Variants in DMD observed in about 807,000 individuals in gnomAD.
The protein encoded by DMD is mutant dystrophin.
A neutral mutation model predicts 330.1 loss-of-function variants in DMD; 63 were observed. The observed-to-expected ratio is 0.19, with a 90% CI of 0.16 to 0.24. The LOEUF (loss-of-function observed/expected upper bound fraction) is 0.24. Among genes scored for constraint, DMD ranks in the 10% least tolerant of loss-of-function variants. The pLI is 1.00. For missense variants in DMD, 3,344 were observed against 2,684.1 expected (o/e 1.25, Z -5.43); for synonymous variants, 1,223 against 959.8 (o/e 1.27, Z -5.07).
chrX:32,117,746 A>G (rs2096617157), intron 44 of DMD, among the ~76,000 whole-genome samples: 1 of 112,160 alleles, frequency 8.9e-6, no homozygotes, highest in South Asian at 3.8e-4. Context: ...CAGGGCACTT[A>G]GAATCTAAGA....
At chrX:32,913,409 T>G (rs747350248) in intron 2 of DMD, among the ~76,000 whole-genome samples, 3 of 112,143 alleles carry the variant, frequency 2.7e-5, no homozygotes, top group African/African-American at 9.7e-5. Context: ...TAATCAAAAT[T>G]TATACTAAGG....
intron 1 of DMD, among the ~76,000 whole-genome samples, chrX:33,058,742 A>G (rs1440818436): frequency 9.0e-6 from 1 of 111,408 alleles, no homozygotes; most frequent in Non-Finnish European, 1.9e-5. Flanking sequence ...TGAGGCACCA[A>G]TTCTCCCCAA....
At chrX:32,714,634 T>A (rs2065507264) in intron 7 of DMD, among the ~76,000 whole-genome samples, 3 of 111,751 alleles carry the variant, frequency 2.7e-5, no homozygotes. Flanking sequence ...GTGACTGAAG[T>A]TACTTTCAAT....
At chrX:31,270,498 T>TAA in intron 62 of DMD, among the ~76,000 whole-genome samples, 1 of 112,226 alleles carries the variant, frequency 8.9e-6, no homozygotes, top group South Asian at 3.7e-4. Context: ...GGTAAAGGCA[T>TAA]ATCAACAATT....
intron 74 of DMD, among the ~76,000 whole-genome samples, chrX:31,159,800 A>T (rs145655735): frequency 0.016 from 1,744 of 112,327 alleles, 48 homozygotes; most frequent in African/African-American, 0.053. Context: ...CACGAGGTTG[A>T]TATACTGATT....
chrX:32,158,605 G>C (rs1037480570), intron 44 of DMD, among the ~76,000 whole-genome samples: 3 of 110,850 alleles, frequency 2.7e-5, no homozygotes, highest in African/African-American at 9.9e-5. Context: ...GTGTCCTATT[G>C]CCATTTTTAT....
chrX:32,284,588 T>C (rs1200108975), intron 43 of DMD, among the ~76,000 whole-genome samples: 1 of 111,784 alleles, frequency 8.9e-6, no homozygotes, highest in South Asian at 3.8e-4. Context: ...CCCACATATA[T>C]TGTGTCAGAT....
chrX:32,924,898 G>A (rs923163067), intron 2 of DMD, among the ~76,000 whole-genome samples: 2 of 110,494 alleles, frequency 1.8e-5, no homozygotes, highest in African/African-American at 6.6e-5. Context: ...CCCAAAGAAA[G>A]AACATTATAA....
chrX:32,607,984 T>C (rs1270449658), intron 12 of DMD, among the ~76,000 whole-genome samples: 3 of 109,104 alleles, frequency 2.7e-5, no homozygotes, highest in African/African-American at 9.9e-5. Flanking sequence ...ATTACAAGAG[T>C]AATGAAGTAT....
chrX:32,133,059 C>T (rs1242971262), intron 44 of DMD, among the ~76,000 whole-genome samples: 4 of 94,906 alleles, frequency 4.2e-5, no homozygotes, highest in Non-Finnish European at 6.0e-5. Flanking sequence ...CAGGTTGGAG[C>T]GCAGTGGCAC....
chrX:32,628,789 A>T (rs1185410723), intron 11 of DMD, among the ~76,000 whole-genome samples: 1 of 111,737 alleles, frequency 8.9e-6, no homozygotes, highest in Non-Finnish European at 1.9e-5. Context: ...TGATAATTCA[A>T]GAGCATATTG....
chrX:32,088,650 C>A (rs1161536530), intron 44 of DMD, among the ~76,000 whole-genome samples: 2 of 103,786 alleles, frequency 1.9e-5, no homozygotes, highest in Non-Finnish European at 3.9e-5. Context: ...GAGACTAAAG[C>A]AAATATTTAA....
chrX:31,178,325 T>C (rs1212243246), intron 70 of DMD: 4 of 974,215 alleles, frequency 4.1e-6, no homozygotes, highest in Non-Finnish European at 5.1e-6. Context: ...CATTTACTGA[T>C]TTGTGAGAGA....
chrX:32,736,029 C>T (rs2148114063), intron 7 of DMD, among the ~76,000 whole-genome samples: 1 of 111,396 alleles, frequency 9.0e-6, no homozygotes, highest in South Asian at 3.8e-4. Flanking sequence ...TGACAAAGGG[C>T]TAATATCCAG....
At chrX:33,248,472 G>A (rs2052708112) in intron 1 of DMD, among the ~76,000 whole-genome samples, 1 of 111,738 alleles carries the variant, frequency 8.9e-6, no homozygotes, top group South Asian at 3.6e-4. Context: ...TCACAGATAG[G>A]AGTATGTTGT....
intron 17 of DMD, among the ~76,000 whole-genome samples, chrX:32,521,207 G>A (rs2046388429): frequency 8.9e-6 from 1 of 111,924 alleles, no homozygotes; most frequent in African/African-American, 3.3e-5. Flanking sequence ...GTCTCACTCT[G>A]TCACCAGGCT....
intron 13 of DMD, among the ~76,000 whole-genome samples, chrX:32,587,042 T>C (rs185743414): frequency 9.0e-6 from 1 of 111,501 alleles, no homozygotes; most frequent in Non-Finnish European, 1.9e-5. Context: ...ACCATATTCC[T>C]CTTCATAAAT....
At chrX:31,827,499 C>T (rs1365671247) in intron 49 of DMD, among the ~76,000 whole-genome samples, 1 of 111,873 alleles carries the variant, frequency 8.9e-6, no homozygotes, top group East Asian at 2.8e-4. Flanking sequence ...ACTCCATTTA[C>T]AGCACTAGAC....
chrX:32,945,775 G>A (rs755803229), intron 2 of DMD, among the ~76,000 whole-genome samples: 1 of 111,303 alleles, frequency 9.0e-6, no homozygotes, highest in South Asian at 3.7e-4. Context: ...AAAAAGTATT[G>A]TATATTTTTT....
Sources: gnomAD v4.1 joint callset for allele counts (sites outside exome capture counted in the v4.1 genomes callset) on GRCh38, gnomAD v4.1.1 for gene constraint, MANE v1.5 for transcripts, NCBI Gene and HGNC (gene_info 2026-07-23, HGNC 2026-07-21) for gene names.